HAUS6: variants seen among roughly 807,000 people sequenced by gnomAD.
The protein encoded by HAUS6 is HAUS augmin like complex subunit 6.
A neutral mutation model predicts 106.8 loss-of-function variants in HAUS6; 80 were observed. The ratio of observed to expected loss-of-function variants is 0.75; its 90% CI spans 0.63 to 0.90. The LOEUF (loss-of-function observed/expected upper bound fraction) is 0.90, where lower values mean the gene tolerates loss of function less well. HAUS6 is among the 40% of genes least tolerant of loss of function. The probability of loss-of-function intolerance (pLI) is 0.00; values close to 1 mark genes in which losing one functional copy is unlikely to be tolerated. For synonymous variants in HAUS6, 356 were observed against 379.1 expected (o/e 0.94, Z 0.71); for missense variants, 1,155 against 1,118.1 (o/e 1.03, Z -0.47).
At position 19,054,462 on chromosome 9, in the gene HAUS6, A is replaced by T. The variant is rs1307431392; in HGVS notation, c.*1881T>A. 1 of 152,232 alleles carries T rather than the reference A, an allele frequency of 6.6e-6. No homozygotes were observed. The highest frequency in any genetic ancestry group is 1.9e-4 in the East Asian group (1 of 5,200). 9.4% of individuals were successfully genotyped at this position (152,232 alleles called of 1,614,324 possible). On this transcript the variant is annotated 3_prime_UTR_variant, in exon 17 of 17. Transcript: ENST00000380502. ...AGGAGAAGAAAGTGACAGATCTGAG[A>T]TACTTTTTGTTTATGGTACTGGCAT...
chr9:19,071,859 CA>C (rs1836887914), intron 11 of HAUS6, among the ~76,000 whole-genome samples: 1 of 151,928 alleles, frequency 6.6e-6, no homozygotes, highest in African/African-American at 2.4e-5. Flanking sequence ...CGTGAGCCAC[CA>C]CGCCCAGCCA....
intron 12 of HAUS6, among the ~76,000 whole-genome samples, chr9:19,068,715 A>T (rs967216782): frequency 5.9e-5 from 5 of 84,464 alleles, no homozygotes; most frequent in South Asian, 3.2e-4. Flanking sequence ...AAAAACAATT[A>T]AAAAAAAAAA....
chr9:19,063,933 C>T, intron 12 of HAUS6: 2 of 327,106 alleles, frequency 6.1e-6, no homozygotes, highest in Non-Finnish European at 1.2e-5. Flanking sequence ...GTCACAGGTT[C>T]CAAATCACAG....
chr9:19,086,860 G>T, intron 6 of HAUS6, 78 bp from the exon 7 acceptor site: 1 of 688,546 alleles, frequency 1.5e-6, no homozygotes. Context: ...TAATTAGTCT[G>T]CAAATCAACC....
chr9:19,092,214 T>C (rs993240863), intron 4 of HAUS6, among the ~76,000 whole-genome samples: 3 of 151,516 alleles, frequency 2.0e-5, no homozygotes, highest in African/African-American at 7.3e-5. Context: ...CCCAGCACTT[T>C]AGGAGGCCAA....
At position 19,060,121 on chromosome 9, in the gene HAUS6, T is replaced by C. The variant is rs1262026847; in HGVS notation, c.1732A>G (p.Arg578Gly). The change falls in exon 15 of 17, where the codon AGG becomes GGG. Residue 578 changes from arginine to glycine, a missense_variant. Transcript: ENST00000380502. ...TCTGGAGTACGGGGAATCTGATTCC[T>C]TGTTAAGAAGGGGTTAGAACCCAGA... ...DSLGSNPFLTRNQIPRTPENL... is the reference protein window; with the variant it reads ...DSLGSNPFLTGNQIPRTPENL... 17 of 1,607,110 alleles carry C rather than the reference T, an allele frequency of 1.1e-5. No homozygotes were observed. The highest frequency in any genetic ancestry group is 1.4e-5 in the Non-Finnish European group (16 of 1,176,334).
intron 1 of HAUS6, among the ~76,000 whole-genome samples, chr9:19,099,322 A>C (rs1817938076): frequency 6.6e-6 from 1 of 151,698 alleles, no homozygotes; most frequent in Non-Finnish European, 1.5e-5. Context: ...GCCCGCCAAC[A>C]CGCCCGGCTA....
intron 5 of HAUS6, 41 bp from the exon 6 acceptor site, chr9:19,087,197 C>G: frequency 9.3e-7 from 1 of 1,074,888 alleles, no homozygotes; most frequent in Non-Finnish European, 1.4e-6. Flanking sequence ...AATACCATTA[C>G]GATTAATTAG....
rs140920555 is a variant in HAUS6, at chr9:19,074,240, G to T, written c.1294+2362C>A. 4.2e-3 allele frequency among the ~76,000 whole-genome samples: 634 copies of T among 151,790 alleles called. 3 individuals carry two copies. The highest frequency in any genetic ancestry group is 0.015 in the African/African-American group (609 of 41,508). On this transcript the variant is annotated intron_variant, in intron 11 of 16. Transcript: ENST00000380502. ...CCAACCTGGATGACAGTGAGATTCT[G>T]TCTCAAAAAAAAATCAAAAAAATTT...
intron 12 of HAUS6, among the ~76,000 whole-genome samples, chr9:19,067,893 C>A (rs527254314): frequency 6.6e-6 from 1 of 151,908 alleles, no homozygotes; most frequent in Non-Finnish European, 1.5e-5. Flanking sequence ...GGGGTTTCAC[C>A]ATGTTGGTCA....
chr9:19,091,579 C>A (rs1817750384), intron 4 of HAUS6, among the ~76,000 whole-genome samples: 2 of 152,028 alleles, frequency 1.3e-5, no homozygotes, highest in African/African-American at 4.8e-5. Flanking sequence ...CTTTGGGAGG[C>A]CAAGGTGGCA....
intron 4 of HAUS6, among the ~76,000 whole-genome samples, chr9:19,090,875 T>C (rs1454176819): frequency 1.3e-5 from 2 of 151,902 alleles, no homozygotes. Context: ...TATTTCAGAG[T>C]TCAGGTTTTT....
At chr9:19,066,462 CGTATGCAA>C in intron 12 of HAUS6, among the ~76,000 whole-genome samples, 1 of 152,194 alleles carries the variant, frequency 6.6e-6, no homozygotes, top group East Asian at 1.9e-4. Context: ...TTAGCTGGCA[CGTATGCAA>C]GATCATACTG....
intron 10 of HAUS6, among the ~76,000 whole-genome samples, chr9:19,076,933 T>C (rs1837022255): frequency 2.6e-5 from 4 of 152,126 alleles, no homozygotes. Flanking sequence ...AGCCTCAAAC[T>C]CCTGGACTTA....
rs970454486 is a variant in HAUS6 at position 19,064,300 on chromosome 9, T to G, written c.1377-720A>C. On this transcript the variant is annotated intron_variant, in intron 12 of 16. Coordinates refer to ENST00000380502, the MANE Select transcript of HAUS6 (RefSeq NM_017645.5). The stretch of plus-strand genomic sequence containing the variant: ...TTATTTTTAAGATTCTCTTGATACT[T>G]CATATCCAAAATCAATTTCTCATAT... 3.3e-5 allele frequency among the ~76,000 whole-genome samples: 5 copies of G among 152,302 alleles called. 1 individual carries two copies. The highest frequency in any genetic ancestry group is 1.3e-4 in the Admixed American group (2 of 15,292).
intron 7 of HAUS6, among the ~76,000 whole-genome samples, chr9:19,083,491 G>A (rs1837210935): frequency 1.3e-5 from 2 of 151,994 alleles, no homozygotes; most frequent in African/African-American, 4.8e-5. Context: ...ATCATTCAGG[G>A]AGAAATAATT....
At chr9:19,097,089 A>G (rs2131157022) in intron 1 of HAUS6, among the ~76,000 whole-genome samples, 1 of 152,334 alleles carries the variant, frequency 6.6e-6, no homozygotes, top group South Asian at 2.1e-4. Context: ...TTTACTGAAT[A>G]ACAATAAATA....
intron 10 of HAUS6, 76 bp downstream of exon 10, chr9:19,078,100 C>T (rs1479439856): frequency 2.6e-6 from 3 of 1,170,786 alleles, no homozygotes; most frequent in Non-Finnish European, 3.7e-6. Context: ...GCCTGGGCAA[C>T]AGAGCAAGAC....
Position 19,080,686 on chromosome 9 carries a change from A to G in HAUS6, c.871-14T>C, listed in dbSNP as rs929812310. ...TCCTATGTGCAACTAAGGAATCAGG[A>G]GGAGAAAAAAATTGGTGAACTATAG... On this transcript the variant is annotated splice_polypyrimidine_tract_variant and intron_variant, in intron 8 of 16. Coordinates refer to ENST00000380502, the MANE Select transcript of HAUS6 (RefSeq NM_017645.5). 2 of 1,547,086 alleles carry G rather than the reference A, an allele frequency of 1.3e-6. No individual in the cohort carries two copies. The highest frequency in any genetic ancestry group is 3.7e-5 in the Admixed American group (2 of 53,484).
Sources: gnomAD v4.1 joint callset for allele counts (sites outside exome capture counted in the v4.1 genomes callset) on GRCh38, gnomAD v4.1.1 for gene constraint, MANE v1.5 for transcripts, NCBI Gene and HGNC (gene_info 2026-07-23, HGNC 2026-07-21) for gene names.